Variants in ADGRL3 observed in about 807,000 individuals in gnomAD.
ADGRL3 encodes the protein calcium-independent alpha-latrotoxin receptor 3.
In ADGRL3, 62 loss-of-function variants were observed where a neutral mutation model predicts 153.5. That is an observed-to-expected ratio of 0.40 (90% CI 0.33 to 0.50). The LOEUF is 0.50. ADGRL3 is among the 20% of genes least tolerant of loss of function. The probability of loss-of-function intolerance (pLI) is 0.47; values close to 1 mark genes in which losing one functional copy is unlikely to be tolerated. For missense variants in ADGRL3, 1,641 were observed against 1,859.4 expected, an observed-to-expected ratio of 0.88 and a Z score of 2.16; for synonymous variants, 710 against 672.5, an observed-to-expected ratio of 1.06 and a Z score of -0.86.
chr4:61,317,882 G>T (rs2095260218), intron 1 of ADGRL3, among the ~76,000 whole-genome samples: 1 of 151,946 alleles, frequency 6.6e-6, no homozygotes, highest in South Asian at 2.1e-4. Context: ...ATTATAAAAA[G>T]AAAATATATA....
chr4:61,716,394 T>C (rs948501844), intron 6 of ADGRL3, among the ~76,000 whole-genome samples: 4 of 152,222 alleles, frequency 2.6e-5, no homozygotes, highest in African/African-American at 9.6e-5. Flanking sequence ...AAAAGAAAAT[T>C]AACCTCTCTC....
At chr4:61,575,681 G>A (rs953084142) in intron 4 of ADGRL3, among the ~76,000 whole-genome samples, 42 of 151,920 alleles carry the variant, frequency 2.8e-4, no homozygotes, top group African/African-American at 9.4e-4. Flanking sequence ...TAATCACTGC[G>A]GTGAAGGGTT....
intron 1 of ADGRL3, among the ~76,000 whole-genome samples, chr4:61,382,680 T>G (rs1401429380): frequency 6.6e-6 from 1 of 151,838 alleles, no homozygotes; most frequent in Non-Finnish European, 1.5e-5. Context: ...TGTGTATGTA[T>G]ATGTGTATGA....
intron 25 of ADGRL3, among the ~76,000 whole-genome samples, chr4:62,048,248 T>A (rs1732201951): frequency 6.6e-6 from 1 of 151,804 alleles, no homozygotes; most frequent in African/African-American, 2.4e-5. Flanking sequence ...TTTATTTACT[T>A]TTATTTATTT....
chr4:61,483,576 A>G (rs1221460414), intron 2 of ADGRL3, among the ~76,000 whole-genome samples: 1 of 151,956 alleles, frequency 6.6e-6, no homozygotes, highest in East Asian at 1.9e-4. Flanking sequence ...CATCTCTACT[A>G]AAAATACAAA....
chr4:61,677,356 AT>A (rs1247851692), intron 6 of ADGRL3: 1 of 400,650 alleles, frequency 2.5e-6, no homozygotes, highest in African/African-American at 2.1e-5. Context: ...TGCTGTCAAC[AT>A]TTTGAGAATT....
chr4:61,782,191 C>G (rs1404995562), intron 8 of ADGRL3, among the ~76,000 whole-genome samples: 3 of 152,008 alleles, frequency 2.0e-5, no homozygotes, highest in African/African-American at 7.2e-5. Context: ...TGTGAGTTCC[C>G]TGTTATTTTA....
intron 5 of ADGRL3, among the ~76,000 whole-genome samples, chr4:61,600,307 CAAAAAAA>C (rs60557691): frequency 1.6e-5 from 1 of 61,770 alleles, no homozygotes; most frequent in Non-Finnish European, 2.7e-5. Flanking sequence ...GGCTGCCTTG[CAAAAAAA>C]AAAAAAAAAA....
At chr4:61,601,518 A>G (rs568993692) in intron 5 of ADGRL3, among the ~76,000 whole-genome samples, 1 of 152,334 alleles carries the variant, frequency 6.6e-6, no homozygotes, top group Non-Finnish European at 1.5e-5. Flanking sequence ...AGTTTTGGGA[A>G]CAAGTTTTTG....
chr4:61,335,280 A>G (rs1442380601), intron 1 of ADGRL3, among the ~76,000 whole-genome samples: 1 of 152,166 alleles, frequency 6.6e-6, no homozygotes, highest in Non-Finnish European at 1.5e-5. Flanking sequence ...CAGGATTTAA[A>G]GCATAGATTT....
At chr4:61,620,919 G>A (rs1020013026) in intron 5 of ADGRL3, among the ~76,000 whole-genome samples, 6 of 152,018 alleles carry the variant, frequency 3.9e-5, no homozygotes, top group African/African-American at 9.7e-5. Flanking sequence ...GATTACAGGC[G>A]TGAGCCACAG....
chr4:61,682,758 C>G (rs2095364172), intron 6 of ADGRL3, among the ~76,000 whole-genome samples: 1 of 152,000 alleles, frequency 6.6e-6, no homozygotes, highest in South Asian at 2.1e-4. Context: ...CTTTGTTGAA[C>G]TGCTTCACAT....
intron 1 of ADGRL3, among the ~76,000 whole-genome samples, chr4:61,259,479 A>G (rs1325105875): frequency 2.0e-5 from 3 of 152,014 alleles, no homozygotes; most frequent in Admixed American, 6.6e-5. Flanking sequence ...AGGCATGACA[A>G]TTTAATAGAA....
At chr4:61,681,621 T>TA (rs1193865284) in intron 6 of ADGRL3, among the ~76,000 whole-genome samples, 4 of 152,054 alleles carry the variant, frequency 2.6e-5, no homozygotes, top group Admixed American at 6.6e-5. Context: ...AAATGAGCAT[T>TA]ATTGGAAGAT....
At chr4:61,615,412 A>G (rs999057717) in intron 5 of ADGRL3, among the ~76,000 whole-genome samples, 1 of 152,108 alleles carries the variant, frequency 6.6e-6, no homozygotes, top group Non-Finnish European at 1.5e-5. Flanking sequence ...AGGGTCTGTG[A>G]GAATAAAGAA....
intron 9 of ADGRL3, among the ~76,000 whole-genome samples, chr4:61,843,518 CA>C (rs1654347987): frequency 6.6e-6 from 1 of 152,046 alleles, no homozygotes. Context: ...CAAGAGGAGC[CA>C]TTGTGGATCA....
At chr4:61,223,449 A>C (rs1746557302) in intron 1 of ADGRL3, among the ~76,000 whole-genome samples, 1 of 152,192 alleles carries the variant, frequency 6.6e-6, no homozygotes, top group South Asian at 2.1e-4. Context: ...CAGTGACCTG[A>C]GGAATGAGAA....
intron 1 of ADGRL3, among the ~76,000 whole-genome samples, chr4:61,248,541 T>C (rs1757973558): frequency 6.6e-6 from 1 of 152,188 alleles, no homozygotes; most frequent in Non-Finnish European, 1.5e-5. Context: ...TCTGACATGA[T>C]TTATTTGTAG....
chr4:61,452,850 A>T (rs2097691458), intron 2 of ADGRL3, among the ~76,000 whole-genome samples: 1 of 152,128 alleles, frequency 6.6e-6, no homozygotes, highest in South Asian at 2.1e-4. Context: ...AACATGTAAA[A>T]TGGCTTGGTA....
Sources: gnomAD v4.1 joint callset for allele counts (sites outside exome capture counted in the v4.1 genomes callset) on GRCh38, gnomAD v4.1.1 for gene constraint, MANE v1.5 for transcripts, NCBI Gene and HGNC (gene_info 2026-07-23, HGNC 2026-07-21) for gene names.